SEC14L1: variants seen among roughly 807,000 people sequenced by gnomAD.
SEC14L1 encodes the protein SEC14-like protein 1.
A neutral mutation model predicts 85.3 loss-of-function variants in SEC14L1; 48 were observed. That is an observed-to-expected ratio of 0.56 (90% CI 0.45 to 0.72). The LOEUF is 0.72. Among genes scored for constraint, SEC14L1 ranks in the 30% least tolerant of loss-of-function variants. The pLI, the probability that SEC14L1 is intolerant of heterozygous loss-of-function variation, is 0.00. For synonymous variants in SEC14L1, 391 were observed against 355.5 expected (o/e 1.10, Z -1.12); for missense variants, 682 against 921.4 (o/e 0.74, Z 3.36).
rs1441596255 is a variant in SEC14L1 at position 77,214,785 on chromosome 17, T to C, written c.*762T>C. The C allele has an allele frequency of 1.0e-6, 1 of 985,562 alleles. No individual in the cohort carries two copies. The highest frequency in any genetic ancestry group is 1.2e-6 in the Non-Finnish European group (1 of 830,020). 61.1% of individuals were successfully genotyped at this position (985,562 alleles called of 1,614,324 possible). On this transcript the variant is annotated 3_prime_UTR_variant, in exon 17 of 17. Coordinates refer to ENST00000436233, the MANE Select transcript of SEC14L1 (RefSeq NM_001143998.2). Reference sequence around the variant, plus strand: ...TATGTGAACTTGGGTGGGGGGGTTCTTCCCGTTTCCTTCCGTGCGTCGCCC... The same window carrying C: ...TATGTGAACTTGGGTGGGGGGGTTCCTCCCGTTTCCTTCCGTGCGTCGCCC...
chr17:77,190,839 C>A lies in SEC14L1; in HGVS notation c.100C>A (p.Pro34Thr), dbSNP rs776854628. 2 of 1,614,152 alleles carry A rather than the reference C, an allele frequency of 1.2e-6. No homozygotes were observed. Among genetic ancestry groups the A allele is most frequent in the Admixed American group, 3.3e-5 (2 of 60,020 alleles). Residue 34 changes from proline to threonine, a missense_variant, in exon 4 of 17, where the codon CCG (proline) becomes ACG (threonine). Transcript: ENST00000436233. ...ERRFPTCPLI[P>T]MFVGSDTVNE... ...GAGGTTCCCTACATGTCCTTTGATTCCGATGTTCGTGGGCAGTGACACTGT... is the reference window on the plus strand; with the variant it reads ...GAGGTTCCCTACATGTCCTTTGATTACGATGTTCGTGGGCAGTGACACTGT...
intron 3 of SEC14L1, among the ~76,000 whole-genome samples, chr17:77,132,064 C>A (rs906848838): frequency 6.6e-6 from 1 of 152,108 alleles, no homozygotes; most frequent in East Asian, 1.9e-4. Context: ...GGAAATCGTG[C>A]CTGTAGGGTA....
chr17:77,097,018 C>G (rs1041575203), intron 3 of SEC14L1, among the ~76,000 whole-genome samples: 1 of 152,190 alleles, frequency 6.6e-6, no homozygotes, highest in Non-Finnish European at 1.5e-5. Flanking sequence ...CAAGCACAGG[C>G]ACTGCACGTG....
At chr17:77,175,536 ATAACCTTCACTG>A (rs1233040439) in intron 3 of SEC14L1, among the ~76,000 whole-genome samples, 5 of 152,246 alleles carry the variant, frequency 3.3e-5, no homozygotes, top group Non-Finnish European at 7.3e-5. Flanking sequence ...GACTTATCCT[ATAACCTTCACTG>A]TGGTGCCCGG....
chr17:77,150,661 A>G (rs548118447), intron 3 of SEC14L1, among the ~76,000 whole-genome samples: 2 of 152,294 alleles, frequency 1.3e-5, no homozygotes, highest in South Asian at 4.1e-4. Context: ...GAGGGAGAAC[A>G]CTTTCTGACG....
intron 3 of SEC14L1, chr17:77,099,337 T>C (rs1285761024): frequency 1.3e-5 from 2 of 152,216 alleles, no homozygotes; most frequent in Non-Finnish European, 2.9e-5. Context: ...GCTGGCCCCA[T>C]TGAGTAGATT....
At chr17:77,211,636 C>G (rs993133670) in intron 14 of SEC14L1, 1 of 375,676 alleles carries the variant, frequency 2.7e-6, no homozygotes. Flanking sequence ...CACTCATGTA[C>G]GAGCTCACAG....
chr17:77,173,402 G>A (rs1484616080), intron 3 of SEC14L1, among the ~76,000 whole-genome samples: 1 of 152,092 alleles, frequency 6.6e-6, no homozygotes, highest in Non-Finnish European at 1.5e-5. Flanking sequence ...CTGAGGGGGA[G>A]GGAGGTGAGA....
rs1976962423 is a variant in SEC14L1 at position 77,214,866 on chromosome 17, G to A, written c.*843G>A. The stretch of plus-strand genomic sequence containing the variant: ...GTAGGCCATCTCCTCTGTGCCCTCT[G>A]GTGGCTCATTGTCCTCAGAGCCCAG... On this transcript the variant is annotated 3_prime_UTR_variant, in exon 17 of 17. Transcript: ENST00000436233. 1 of 985,418 alleles carries A rather than the reference G, an allele frequency of 1.0e-6. No homozygotes were observed. 61.0% of individuals were successfully genotyped at this position (985,418 alleles called of 1,614,324 possible). A position where few individuals can be genotyped will look rare whatever the true frequency, so the allele number is the denominator to read the frequency against.
Position 77,111,660 on chromosome 17 carries a change from T to C in SEC14L1, c.-136+18313T>C, listed in dbSNP as rs553065596. 2.6e-5 allele frequency among the ~76,000 whole-genome samples: 4 copies of C among 152,348 alleles called. No homozygotes were observed. The East Asian group carries it at 7.7e-4, about 29-fold the overall frequency. On this transcript the variant is annotated intron_variant, in intron 3 of 19. Transcript: ENST00000392476. Reference sequence around the variant, plus strand: ...ATGACTGCCCTATTAGATTTTGGACTTGCATGGGGCCTGTAGCCCCTTTGT... The same window carrying C: ...ATGACTGCCCTATTAGATTTTGGACCTGCATGGGGCCTGTAGCCCCTTTGT...
intron 3 of SEC14L1, among the ~76,000 whole-genome samples, chr17:77,180,046 T>TTGTTATGTTATGTTATGTTATGTTA (rs67421763): frequency 8.3e-6 from 1 of 121,022 alleles, no homozygotes; most frequent in African/African-American, 2.9e-5. Flanking sequence ...ATGTTTTGTT[T>TTGTTATGTTATGTTATGTTATGTTA]TGTTATGTTA....
At chr17:77,121,342 T>C (rs943198677) in intron 3 of SEC14L1, among the ~76,000 whole-genome samples, 1 of 152,144 alleles carries the variant, frequency 6.6e-6, no homozygotes, top group Non-Finnish European at 1.5e-5. Context: ...GGCCACTATT[T>C]ATTGAGGCCA....
At chr17:77,201,405 C>A (rs1262252975) in intron 9 of SEC14L1, among the ~76,000 whole-genome samples, 2 of 151,066 alleles carry the variant, frequency 1.3e-5, no homozygotes, top group African/African-American at 4.9e-5. Context: ...ATGACTTCAT[C>A]TTTTGTATTG....
chr17:77,110,877 C>CAAA (rs1212651345), intron 3 of SEC14L1, among the ~76,000 whole-genome samples: 19 of 46,608 alleles, frequency 4.1e-4, no homozygotes, highest in Non-Finnish European at 5.8e-4. Context: ...GACTCTGTCT[C>CAAA]AAAAAAAAAA....
intron 3 of SEC14L1, among the ~76,000 whole-genome samples, chr17:77,106,401 A>G (rs1311830917): frequency 6.6e-6 from 1 of 151,968 alleles, no homozygotes; most frequent in African/African-American, 2.4e-5. Context: ...ACGTGGTGGC[A>G]CGCACCTGAA....
intron 3 of SEC14L1, among the ~76,000 whole-genome samples, chr17:77,190,071 TC>T (rs1263841506): frequency 3.3e-5 from 5 of 152,334 alleles, no homozygotes; most frequent in Admixed American, 1.3e-4. Flanking sequence ...CTATTTTTTT[TC>T]CCTAAAAGTT....
intron 3 of SEC14L1, among the ~76,000 whole-genome samples, chr17:77,106,730 G>A (rs949674082): frequency 2.4e-4 from 36 of 152,012 alleles, no homozygotes; most frequent in African/African-American, 8.7e-4. Context: ...CAGCTACTCA[G>A]GAGGCTGAAG....
intron 10 of SEC14L1, 23 bp downstream of exon 10, chr17:77,203,681 C>G (rs1334181216): frequency 9.5e-6 from 15 of 1,587,194 alleles, no homozygotes; most frequent in Admixed American, 1.7e-5. Flanking sequence ...CTGCGAGACT[C>G]CAGGTGCCAC....
chr17:77,094,172 A>T (rs958048144), intron 3 of SEC14L1: 1 of 152,040 alleles, frequency 6.6e-6, no homozygotes, highest in Non-Finnish European at 1.5e-5. Context: ...GCCTGCCACA[A>T]CGCCCAGCTA....
Sources: gnomAD v4.1 joint callset for allele counts (sites outside exome capture counted in the v4.1 genomes callset) on GRCh38, gnomAD v4.1.1 for gene constraint, MANE v1.5 for transcripts, NCBI Gene and HGNC (gene_info 2026-07-23, HGNC 2026-07-21) for gene names.